DHX32: variants seen among roughly 807,000 people sequenced by gnomAD.
DHX32 encodes DEAH-box helicase 32 (putative).
DHX32 carries 51 observed loss-of-function variants against 70.0 expected under a neutral mutation model. The observed-to-expected ratio is 0.73, with a 90% CI of 0.58 to 0.92. The LOEUF is 0.92. Among genes scored for constraint, DHX32 ranks in the 40% least tolerant of loss-of-function variants. DHX32 has a pLI of 0.00. For synonymous variants in DHX32, 310 were observed against 315.3 expected, an observed-to-expected ratio of 0.98 and a Z score of 0.18; for missense variants, 762 against 891.8, an observed-to-expected ratio of 0.85 and a Z score of 1.85.
At chr10:125,880,504 A>G in intron 1 of DHX32, 39 bp downstream of exon 1, 1 of 1,534,726 alleles carries the variant, frequency 6.5e-7, no homozygotes. Flanking sequence ...TTAAAAAATC[A>G]ACACATACAG....
chr10:125,894,578 G>A (rs1589722738), intron 1 of DHX32, among the ~76,000 whole-genome samples: 1 of 152,292 alleles, frequency 6.6e-6, no homozygotes, highest in Non-Finnish European at 1.5e-5. Flanking sequence ...CATTCTATAT[G>A]ATTACAAAGT....
At chr10:125,845,993 G>A (rs961319973) in intron 6 of DHX32, among the ~76,000 whole-genome samples, 3 of 152,170 alleles carry the variant, frequency 2.0e-5, no homozygotes, top group Admixed American at 1.3e-4. Flanking sequence ...CACTCCCACC[G>A]CCCAGGCCTC....
Position 125,866,980 on chromosome 10 carries a change from A to C in DHX32, c.476+10T>G. On this transcript the variant is annotated intron_variant, in intron 2 of 10. Transcript: ENST00000284690. The surrounding 1 kb of genome is among the most constrained non-coding windows in gnomAD (Gnocchi z 4.8). ...ATCAGCAGGGAGCGGACTGAACCCC[A>C]CAAACCAACCTCAGGATTGTTTCGT... 6.2e-7 allele frequency: 1 copy of C among 1,610,390 alleles called. No individual in the cohort carries two copies.
intron 2 of DHX32, among the ~76,000 whole-genome samples, chr10:125,862,329 T>C (rs1418637448): frequency 1.3e-5 from 2 of 152,354 alleles, no homozygotes; most frequent in East Asian, 3.9e-4. Flanking sequence ...TGAGCAGTGA[T>C]AAATTGATGA....
intron 4 of DHX32, chr10:125,853,266 C>T (rs1216938282): frequency 6.7e-7 from 1 of 1,498,172 alleles, no homozygotes; most frequent in South Asian, 1.2e-5. Context: ...ATTTAGGAGG[C>T]TCATAGTCTC....
At chr10:125,853,647 AG>A (rs1284164765) in intron 4 of DHX32, 3 of 272,330 alleles carry the variant, frequency 1.1e-5, no homozygotes, top group Non-Finnish European at 2.1e-5. Context: ...TTGCTTTGCT[AG>A]TACCTTAGCT....
rs1355437209 is a variant in DHX32 at position 125,859,703 on chromosome 10, T to G, written c.749A>C (p.Glu250Ala). The change falls in exon 3 of 11, where the codon GAG becomes GCG. Residue 250 changes from glutamate to alanine, a missense_variant. Physicochemically the swap from Glu to Ala is moderately radical, Grantham distance 107. Coordinates refer to ENST00000284690, the MANE Select transcript of DHX32 (RefSeq NM_018180.3). ...KHPVEVVYLS[E>A]AQKDSFESIL... The stretch of plus-strand genomic sequence containing the variant: ...AGACTCAAAAGAATCCTTTTGAGCC[T>G]CACTAAGGTACACAACCTCCACAGG... The G allele has an allele frequency of 1.2e-6, 2 of 1,614,084 alleles. No homozygotes were observed. Among genetic ancestry groups the G allele is most frequent in the Admixed American group, 1.7e-5 (1 of 60,014 alleles).
intron 1 of DHX32, among the ~76,000 whole-genome samples, chr10:125,874,850 A>C (rs1944275405): frequency 6.6e-6 from 1 of 152,208 alleles, no homozygotes; most frequent in Admixed American, 6.5e-5. Context: ...ACAGAGCCAC[A>C]AATAGATGGA....
intron 1 of DHX32, among the ~76,000 whole-genome samples, chr10:125,867,895 C>T (rs1944233096): frequency 6.6e-6 from 1 of 151,996 alleles, no homozygotes; most frequent in Non-Finnish European, 1.5e-5. Flanking sequence ...GTGTTTTAAG[C>T]AATGTAAATT....
At chr10:125,844,942 A>G (rs1943992320) in intron 6 of DHX32, among the ~76,000 whole-genome samples, 1 of 152,224 alleles carries the variant, frequency 6.6e-6, no homozygotes, top group African/African-American at 2.4e-5. Context: ...AAGGGCTATC[A>G]TTACAGTATT....
At chr10:125,890,325 T>C in intron 1 of DHX32, among the ~76,000 whole-genome samples, 1 of 152,276 alleles carries the variant, frequency 6.6e-6, no homozygotes, top group Non-Finnish European at 1.5e-5. Flanking sequence ...TACTAGGACT[T>C]TTAGAAGGTC....
intron 6 of DHX32, among the ~76,000 whole-genome samples, chr10:125,847,835 T>A (rs904838825): frequency 1.4e-4 from 22 of 152,076 alleles, no homozygotes; most frequent in Non-Finnish European, 7.4e-5. Flanking sequence ...CCTAGATCCC[T>A]GGCATGTGCA....
At chr10:125,892,693 C>T (rs1285225202) in intron 1 of DHX32, among the ~76,000 whole-genome samples, 1 of 152,190 alleles carries the variant, frequency 6.6e-6, no homozygotes, top group Non-Finnish European at 1.5e-5. Context: ...AATGTGGAAT[C>T]AATGTCTGCT....
At position 125,836,400 on chromosome 10, in the gene DHX32, A is replaced by G; in HGVS notation, c.*287T>C. On this transcript the variant is annotated 3_prime_UTR_variant, in exon 11 of 11. Transcript: ENST00000284690. The stretch of plus-strand genomic sequence containing the variant: ...TCTACAAAAAGTAGGGTTCTGTCCC[A>G]TGTGTCTCTGACACATTTACAAAAT... 6 of 1,512,252 alleles carry G rather than the reference A, an allele frequency of 4.0e-6. No individual in the cohort carries two copies. The highest frequency in any genetic ancestry group is 4.4e-6 in the Non-Finnish European group (5 of 1,134,866). 93.7% of individuals were successfully genotyped at this position (1,512,252 alleles called of 1,614,324 possible).
At chr10:125,861,766 C>T (rs929366668) in intron 2 of DHX32, among the ~76,000 whole-genome samples, 3 of 152,198 alleles carry the variant, frequency 2.0e-5, no homozygotes, top group Non-Finnish European at 2.9e-5. Flanking sequence ...TCGTCCCATC[C>T]ACTATTTCCC....
rs559840780 is a variant in DHX32 at position 125,853,829 on chromosome 10, C to T, written c.1092+132G>A. 435 of 1,162,914 alleles carry T rather than the reference C, an allele frequency of 3.7e-4. No homozygotes were observed. The African/African-American group carries it at 6.4e-3, about 17-fold the overall frequency. 72.0% of individuals were successfully genotyped at this position (1,162,914 alleles called of 1,614,324 possible). A position where few individuals can be genotyped will look rare whatever the true frequency, so the allele number is the denominator to read the frequency against. Reference sequence around the variant, plus strand: ...GGCTGCAATAATTCTTCTTTGCACTCATGACCAAATTCAACGAATCCCCAG... The same window carrying T: ...GGCTGCAATAATTCTTCTTTGCACTTATGACCAAATTCAACGAATCCCCAG... On this transcript the variant is annotated intron_variant, in intron 4 of 10. Transcript: ENST00000284690.
At chr10:125,839,273 G>A in intron 8 of DHX32, 85 bp from the exon 9 acceptor site, 1 of 1,403,384 alleles carries the variant, frequency 7.1e-7, no homozygotes, top group Non-Finnish European at 9.8e-7. Context: ...CCATCTTTAA[G>A]CCCTGTGCTC....
chr10:125,883,321 C>T (rs1459581894), upstream of DHX32, among the ~76,000 whole-genome samples: 1 of 152,170 alleles, frequency 6.6e-6, no homozygotes, highest in Non-Finnish European at 1.5e-5. Context: ...GAGTCTATTT[C>T]CTCTCCCCTT....
upstream of DHX32, among the ~76,000 whole-genome samples, chr10:125,884,462 T>C (rs940008706): frequency 2.0e-5 from 3 of 152,268 alleles, no homozygotes; most frequent in Non-Finnish European, 4.4e-5. Context: ...TGACATTTGC[T>C]CTTTCAAAGC....
Sources: allele counts gnomAD v4.1 joint callset (sites outside exome capture counted in the v4.1 genomes callset), GRCh38; gene constraint gnomAD v4.1.1; non-coding constraint Gnocchi (gnomAD v3.1); transcripts MANE v1.5; gene names NCBI Gene and HGNC (gene_info 2026-07-23, HGNC 2026-07-21).